The following DAPP1 variants were observed in gnomAD, a reference collection of about 807,000 sequenced individuals.
DAPP1 encodes the protein dual adapter for phosphotyrosine and 3-phosphotyrosine and 3-phosphoinositide.
In DAPP1, 20 loss-of-function variants were observed where a neutral mutation model predicts 41.5. The observed-to-expected ratio is 0.48, with a 90% CI of 0.34 to 0.70. DAPP1 has a LOEUF of 0.70. DAPP1 is among the 30% of genes least tolerant of loss of function. DAPP1 has a pLI of 0.01. For missense variants in DAPP1, 233 were observed against 333.4 expected (o/e 0.70, Z 2.35); for synonymous variants, 113 against 116.2 (o/e 0.97, Z 0.18).
In DAPP1 at chr4:99,857,541, T is replaced by A. The variant is rs144168345; in HGVS notation, c.490-4037T>A. 1.6e-3 allele frequency among the ~76,000 whole-genome samples: 237 copies of A among 152,306 alleles called. 2 individuals are homozygous for A. The highest frequency in any genetic ancestry group is 5.3e-3 in the African/African-American group (221 of 41,568). On this transcript the variant is annotated intron_variant, in intron 4 of 8. Transcript: ENST00000512369. ...TTTGGCAACATCTTTCTGTCTTTAT[T>A]CCGTAATCTTTGACACATTTTATAG...
At chr4:99,861,679 T>A in intron 5 of DAPP1, 54 bp downstream of exon 5, 1 of 1,525,492 alleles carries the variant, frequency 6.6e-7, no homozygotes, top group Non-Finnish European at 8.9e-7. Flanking sequence ...GAACACGTCA[T>A]GTAGACTCAA....
chr4:99,863,550 T>C (rs1724313721), intron 6 of DAPP1, among the ~76,000 whole-genome samples: 1 of 152,072 alleles, frequency 6.6e-6, no homozygotes, highest in Admixed American at 6.6e-5. Flanking sequence ...CATCAGTAAG[T>C]TGATAAAGGT....
intron 1 of DAPP1, among the ~76,000 whole-genome samples, chr4:99,830,595 CACTT>C (rs1004506467): frequency 5.3e-5 from 8 of 152,172 alleles, no homozygotes; most frequent in Non-Finnish European, 8.8e-5. Context: ...CTTCATCACT[CACTT>C]TGAATTCTCA....
intron 3 of DAPP1, among the ~76,000 whole-genome samples, chr4:99,852,471 G>A (rs1234444947): frequency 2.0e-5 from 3 of 152,150 alleles, no homozygotes; most frequent in Non-Finnish European, 4.4e-5. Context: ...CTGAGCCCTT[G>A]GAACAAAGTT....
chr4:99,861,673 A>G lies in DAPP1; in HGVS notation c.537+48A>G, dbSNP rs530082678. 1.4e-5 allele frequency: 21 copies of G among 1,538,490 alleles called. No homozygotes were observed. The African/African-American group carries it at 2.9e-4, about 21-fold the overall frequency. On this transcript the variant is annotated intron_variant, in intron 5 of 8. Coordinates refer to ENST00000512369, the MANE Select transcript of DAPP1 (RefSeq NM_014395.3). ...ATGCCAGCCACAGAAAAAAGAGAAC[A>G]CGTCATGTAGACTCAATTCTCATCT...
downstream of DAPP1, among the ~76,000 whole-genome samples, chr4:99,872,239 T>G (rs529740474): frequency 1.0e-3 from 152 of 152,336 alleles, no homozygotes; most frequent in African/African-American, 3.5e-3. Context: ...AGATGCATCG[T>G]TGGTATAGCC....
intron 7 of DAPP1, 23 bp downstream of exon 7, chr4:99,863,878 C>T (rs542362703): frequency 4.6e-5 from 68 of 1,477,346 alleles, no homozygotes; most frequent in South Asian, 3.1e-4. Flanking sequence ...ATAAAGAAAA[C>T]GTTTTTTAAT....
chr4:99,861,927 C>A (rs1333553405), intron 5 of DAPP1, among the ~76,000 whole-genome samples: 1 of 152,132 alleles, frequency 6.6e-6, no homozygotes, highest in South Asian at 2.1e-4. Context: ...TCTAGAACAT[C>A]TTTCGTTCTT....
intron 2 of DAPP1, among the ~76,000 whole-genome samples, chr4:99,838,363 C>T (rs1183867273): frequency 6.6e-6 from 1 of 152,138 alleles, no homozygotes; most frequent in Non-Finnish European, 1.5e-5. Context: ...GTTTTATGAA[C>T]AAATATTCAC....
chr4:99,868,466 G>A lies in DAPP1; in HGVS notation c.*281G>A. 1 of 371,344 alleles carries A rather than the reference G, an allele frequency of 2.7e-6. No homozygotes were observed. The highest frequency in any genetic ancestry group is 5.0e-6 in the Non-Finnish European group (1 of 200,276). 23.0% of individuals were successfully genotyped at this position (371,344 alleles called of 1,614,324 possible). A position where few individuals can be genotyped will look rare whatever the true frequency, so the allele number is the denominator to read the frequency against. On this transcript the variant is annotated 3_prime_UTR_variant, in exon 9 of 9. Transcript: ENST00000512369. The stretch of plus-strand genomic sequence containing the variant: ...CTGCTCACTCTTAGAACACACAATG[G>A]AAGAGGAAGGGTTTTTGTTTTCACT...
rs1553942227 is a variant in DAPP1 at position 99,865,957 on chromosome 4, T to TTA, written c.687-69_687-68dup. 3.0e-3 allele frequency: 206 copies of TTA among 68,612 alleles called. 4 individuals carry two copies. Among genetic ancestry groups the TTA allele is most frequent in the African/African-American group, 0.015 (190 of 12,584 alleles). The allele number at this position is 68,612 out of a possible 1,614,324, so 4.3% of individuals were successfully genotyped here. ...ATAATATATTATATTATATATTATA[T>TTA]TATATATATTATATATATATATATA... On this transcript the variant is annotated intron_variant, in intron 7 of 8. Coordinates refer to ENST00000512369, the MANE Select transcript of DAPP1 (RefSeq NM_014395.3).
chr4:99,824,531 T>A lies in DAPP1; in HGVS notation c.101+7517T>A, dbSNP rs540392463. On this transcript the variant is annotated intron_variant, in intron 1 of 8. Coordinates refer to ENST00000512369, the MANE Select transcript of DAPP1 (RefSeq NM_014395.3). ...TAATGAAACAAGAATCTGCCTGTAT[T>A]TTTTTTACAGACCCCAATGTACTTA... Among the ~76,000 whole-genome samples, 17 of 152,244 alleles carry A rather than the reference T, an allele frequency of 1.1e-4. No individual in the cohort carries two copies. The East Asian group carries it at 2.9e-3, about 26-fold the overall frequency.
At chr4:99,867,738 C>T (rs1724510267) in intron 8 of DAPP1, among the ~76,000 whole-genome samples, 1 of 152,142 alleles carries the variant, frequency 6.6e-6, no homozygotes, top group Non-Finnish European at 1.5e-5. Context: ...CAAAACAAAT[C>T]ACTTGCCAGT....
chr4:99,833,474 C>A (rs766916416), intron 1 of DAPP1, among the ~76,000 whole-genome samples: 5 of 152,096 alleles, frequency 3.3e-5, no homozygotes, highest in Middle Eastern at 3.2e-3. Flanking sequence ...TCCACAGGTG[C>A]ACTTAGGTTT....
chr4:99,826,481 C>A (rs1722941515), intron 1 of DAPP1, among the ~76,000 whole-genome samples: 1 of 152,110 alleles, frequency 6.6e-6, no homozygotes, highest in Non-Finnish European at 1.5e-5. Flanking sequence ...TTTCATGTAT[C>A]TTTTCCAGGC....
intron 4 of DAPP1, among the ~76,000 whole-genome samples, chr4:99,855,310 C>T (rs1480182223): frequency 6.6e-6 from 1 of 152,210 alleles, no homozygotes; most frequent in Non-Finnish European, 1.5e-5. Context: ...CCCTAAAGAT[C>T]TCCACTCAAG....
intron 1 of DAPP1, among the ~76,000 whole-genome samples, chr4:99,820,653 A>T (rs1223288526): frequency 6.6e-6 from 1 of 152,214 alleles, no homozygotes; most frequent in Non-Finnish European, 1.5e-5. Context: ...AGAAGTTTAG[A>T]GTAGACCATG....
Position 99,853,687 on chromosome 4 carries a change from C to T in DAPP1, c.489+339C>T, listed in dbSNP as rs144718250. Among the ~76,000 whole-genome samples, 1,020 of 152,230 alleles carry T rather than the reference C, an allele frequency of 6.7e-3. 14 individuals carry two copies. The highest frequency in any genetic ancestry group is 0.023 in the African/African-American group (964 of 41,538). ...AAAAAATATTAGCTGGGCATGGTGG[C>T]ATGCACCTGTAGTCCCAGCTACTCA... On this transcript the variant is annotated intron_variant, in intron 4 of 8. Transcript: ENST00000512369.
chr4:99,857,582 A>G (rs1170248894), intron 4 of DAPP1, among the ~76,000 whole-genome samples: 1 of 151,914 alleles, frequency 6.6e-6, no homozygotes, highest in Non-Finnish European at 1.5e-5. Flanking sequence ...CTTCTTGGAT[A>G]CTTTCCTTGC....
Sources: allele counts gnomAD v4.1 joint callset (sites outside exome capture counted in the v4.1 genomes callset), GRCh38; gene constraint gnomAD v4.1.1; transcripts MANE v1.5; gene names NCBI Gene and HGNC (gene_info 2026-07-23, HGNC 2026-07-21).